Variants in RGS21 observed in about 807,000 individuals in gnomAD.
RGS21 encodes regulator of G-protein signalling 21.
RGS21 carries 19 observed loss-of-function variants against 18.7 expected under a neutral mutation model. That is an observed-to-expected ratio of 1.01 (90% CI 0.71 to 1.49). RGS21 has a LOEUF of 1.49. RGS21 is among the 40% of genes most tolerant of loss of function. The pLI, the probability that RGS21 is intolerant of heterozygous loss-of-function variation, is 0.00. For synonymous variants in RGS21, 56 were observed against 57.8 expected (o/e 0.97, Z 0.14); for missense variants, 194 against 176.8 (o/e 1.10, Z -0.55).
intron 1 of RGS21, among the ~76,000 whole-genome samples, chr1:192,323,436 T>C (rs1658523401): frequency 6.6e-6 from 1 of 151,996 alleles, no homozygotes; most frequent in Non-Finnish European, 1.5e-5. Flanking sequence ...TGTGATAGAC[T>C]AGTGAAAGTA....
chr1:192,366,132 A>G lies in RGS21; in HGVS notation c.*8A>G. On this transcript the variant is annotated 3_prime_UTR_variant, in exon 5 of 5. Transcript: ENST00000417209. ...TGGCTCCCTTTTTTGTGAGGAAGGT[A>G]AAAGTTAACTAATCACTATACTTCA... The G allele has an allele frequency of 1.4e-6, 2 of 1,472,332 alleles. No individual in the cohort carries two copies. Among genetic ancestry groups the G allele is most frequent in the South Asian group, 2.3e-5 (2 of 87,392 alleles). 91.2% of individuals were successfully genotyped at this position (1,472,332 alleles called of 1,614,324 possible).
chr1:192,331,398 A>G (rs1419086543), intron 1 of RGS21, among the ~76,000 whole-genome samples: 3 of 151,918 alleles, frequency 2.0e-5, no homozygotes, highest in Non-Finnish European at 4.4e-5. Context: ...CTAAAAGACA[A>G]AAAATTAGCG....
intron 3 of RGS21, among the ~76,000 whole-genome samples, chr1:192,349,792 T>G (rs971740166): frequency 6.6e-5 from 10 of 152,108 alleles, no homozygotes; most frequent in African/African-American, 2.2e-4. Context: ...TCATTAAAAG[T>G]GGAGAGCAAG....
chr1:192,354,980 T>C (rs886627952), intron 4 of RGS21, among the ~76,000 whole-genome samples: 2 of 151,738 alleles, frequency 1.3e-5, no homozygotes, highest in Non-Finnish European at 3.0e-5. Context: ...GGAAAGACTA[T>C]ATATTGAACT....
intron 1 of RGS21, among the ~76,000 whole-genome samples, chr1:192,323,445 T>A (rs913898972): frequency 6.7e-4 from 101 of 151,824 alleles, no homozygotes; most frequent in African/African-American, 2.3e-3. Context: ...CTAGTGAAAG[T>A]AAAGAGAAAC....
At chr1:192,350,203 G>A (rs1659020429) in intron 3 of RGS21, among the ~76,000 whole-genome samples, 1 of 151,978 alleles carries the variant, frequency 6.6e-6, no homozygotes, top group Non-Finnish European at 1.5e-5. Context: ...ATTTTAATTG[G>A]TACCTGATAA....
chr1:192,332,335 A>G (rs1286154776), intron 1 of RGS21, among the ~76,000 whole-genome samples: 1 of 152,186 alleles, frequency 6.6e-6, no homozygotes, highest in African/African-American at 2.4e-5. Flanking sequence ...ATGGAGCAAT[A>G]CCATCAAATT....
chr1:192,345,003 C>T (rs1053729993), intron 2 of RGS21, among the ~76,000 whole-genome samples: 1 of 151,972 alleles, frequency 6.6e-6, no homozygotes, highest in Non-Finnish European at 1.5e-5. Context: ...TAATTCAAAA[C>T]ATTAGGAATT....
intron 1 of RGS21, among the ~76,000 whole-genome samples, chr1:192,342,564 C>T (rs1259214842): frequency 6.6e-6 from 1 of 151,730 alleles, no homozygotes; most frequent in Non-Finnish European, 1.5e-5. Flanking sequence ...AGGTAGAGCC[C>T]TCCTCAGATT....
chr1:192,360,554 T>C (rs1442694829), intron 4 of RGS21, among the ~76,000 whole-genome samples: 3 of 152,118 alleles, frequency 2.0e-5, no homozygotes, highest in Non-Finnish European at 4.4e-5. Context: ...CTAATTTTTC[T>C]TTCTTTCACC....
intron 3 of RGS21, among the ~76,000 whole-genome samples, chr1:192,350,110 A>G (rs576230819): frequency 6.6e-6 from 1 of 152,270 alleles, no homozygotes; most frequent in African/African-American, 2.4e-5. Flanking sequence ...AAACTTCTTG[A>G]GCAAGGAACG....
chr1:192,350,858 A>G (rs1206233964), intron 3 of RGS21, among the ~76,000 whole-genome samples: 2 of 152,160 alleles, frequency 1.3e-5, no homozygotes, highest in African/African-American at 2.4e-5. Context: ...CATTTTGATG[A>G]GGAAAATAGA....
chr1:192,347,448 C>T, intron 3 of RGS21, 59 bp downstream of exon 3: 1 of 832,838 alleles, frequency 1.2e-6, no homozygotes, highest in Non-Finnish European at 2.0e-6. Context: ...TTATTAAATT[C>T]TGAAAGTTGG....
At chr1:192,350,774 A>T (rs1462299863) in intron 3 of RGS21, among the ~76,000 whole-genome samples, 1 of 152,150 alleles carries the variant, frequency 6.6e-6, no homozygotes, top group Non-Finnish European at 1.5e-5. Flanking sequence ...GATCTTTCTG[A>T]CCTGTTGTCT....
chr1:192,357,453 A>C (rs1248886534), intron 4 of RGS21, among the ~76,000 whole-genome samples: 1 of 151,950 alleles, frequency 6.6e-6, no homozygotes, highest in Non-Finnish European at 1.5e-5. Context: ...AGAGAAAAGG[A>C]GAGCTAAAGA....
intron 1 of RGS21, among the ~76,000 whole-genome samples, chr1:192,333,375 A>G (rs1445513078): frequency 6.6e-6 from 1 of 152,026 alleles, no homozygotes; most frequent in Non-Finnish European, 1.5e-5. Flanking sequence ...CTATACAAAC[A>G]CCTACACTAT....
intron 1 of RGS21, among the ~76,000 whole-genome samples, chr1:192,338,252 G>A (rs745985889): frequency 4.9e-4 from 74 of 152,110 alleles, no homozygotes; most frequent in Non-Finnish European, 9.6e-4. Flanking sequence ...TTTATAAATT[G>A]AACCTCATAT....
chr1:192,341,884 A>G (rs768682845), intron 1 of RGS21, among the ~76,000 whole-genome samples: 22 of 151,962 alleles, frequency 1.4e-4, no homozygotes, highest in Non-Finnish European at 2.1e-4. Flanking sequence ...GAGCAAAACA[A>G]AAAGTGAAAA....
At chr1:192,344,244 A>T (rs112808339) in intron 2 of RGS21, among the ~76,000 whole-genome samples, 8 of 152,178 alleles carry the variant, frequency 5.3e-5, no homozygotes, top group African/African-American at 1.9e-4. Context: ...GGAAAAAAAC[A>T]CTTTTTAGGT....
Sources: gnomAD v4.1 joint callset for allele counts (sites outside exome capture counted in the v4.1 genomes callset) on GRCh38, gnomAD v4.1.1 for gene constraint, MANE v1.5 for transcripts, NCBI Gene and HGNC (gene_info 2026-07-23, HGNC 2026-07-21) for gene names.